Variants in ELAVL2 observed in about 807,000 individuals in gnomAD.
The protein encoded by ELAVL2 is ELAV like RNA binding protein 2.
ELAVL2 carries 4 observed loss-of-function variants against 34.6 expected under a neutral mutation model. The ratio of observed to expected loss-of-function variants is 0.12; its 90% confidence interval spans 0.06 to 0.26. The LOEUF is 0.26. Ranked by LOEUF, ELAVL2 falls within the 10% of genes least tolerant of loss-of-function variation. The probability of loss-of-function intolerance (pLI) is 1.00; values close to 1 mark genes in which losing one functional copy is unlikely to be tolerated. For missense variants in ELAVL2, 432 were observed against 442.8 expected, an observed-to-expected ratio of 0.98 and a Z score of 0.22; for synonymous variants, 193 against 154.8, an observed-to-expected ratio of 1.25 and a Z score of -1.83.
chr9:23,703,224 A>T (rs2038081797), intron 4 of ELAVL2, among the ~76,000 whole-genome samples: 1 of 152,246 alleles, frequency 6.6e-6, no homozygotes, highest in Admixed American at 6.5e-5. Flanking sequence ...GATGAGACGC[A>T]CTTTGTGTCA....
At chr9:23,848,432 G>C in the ELAVL2 span, among the ~76,000 whole-genome samples, 1 of 152,050 alleles carries the variant, frequency 6.6e-6, no homozygotes, top group Admixed American at 6.6e-5. Flanking sequence ...TGGTGTTTTA[G>C]CTCTCAAATG....
At chr9:23,721,217 A>G (rs578141123) in intron 3 of ELAVL2, among the ~76,000 whole-genome samples, 1 of 152,320 alleles carries the variant, frequency 6.6e-6, no homozygotes, top group Admixed American at 6.5e-5. Flanking sequence ...TCATCCAAAG[A>G]TATTTCCAAG....
intron 3 of ELAVL2, among the ~76,000 whole-genome samples, chr9:23,729,269 T>TA (rs2045972749): frequency 6.6e-6 from 1 of 152,178 alleles, no homozygotes. Flanking sequence ...CTTGACCACC[T>TA]ATTCCATTTT....
chr9:23,822,068 A>G (rs980105872), intron 1 of ELAVL2, among the ~76,000 whole-genome samples: 4 of 151,530 alleles, frequency 2.6e-5, no homozygotes, highest in African/African-American at 9.7e-5. Context: ...CTCGGTGGAG[A>G]GCGTTGAGCG....
intron 1 of ELAVL2, among the ~76,000 whole-genome samples, chr9:23,787,711 T>C (rs913101642): frequency 9.2e-5 from 14 of 152,132 alleles, no homozygotes; most frequent in Middle Eastern, 3.4e-3. Flanking sequence ...CCAGACCAAT[T>C]AAATAAGAAT....
chr9:23,704,817 G>C, intron 4 of ELAVL2, 101 bp downstream of exon 4: 1 of 1,452,478 alleles, frequency 6.9e-7, no homozygotes, highest in Non-Finnish European at 9.4e-7. Context: ...ATATACCTTT[G>C]ATATGTTCTA....
chr9:23,784,127 G>A (rs2059407693), intron 1 of ELAVL2, among the ~76,000 whole-genome samples: 2 of 151,974 alleles, frequency 1.3e-5, no homozygotes, highest in African/African-American at 2.4e-5. Flanking sequence ...GAACCTGGGA[G>A]GCAGAGCTTG....
Position 23,765,528 on chromosome 9 carries a change from G to A in ELAVL2, c.-15-3279C>T, listed in dbSNP as rs190599796. Among the ~76,000 whole-genome samples the A allele has an allele frequency of 1.3e-3, 191 of 151,562 alleles. 3 individuals are homozygous for A. The Middle Eastern group carries it at 0.047, about 38-fold the overall frequency. ...TCCTAAGTGATTGGTTTGCATAAAA[G>A]CACTCTTTCCCCAAAATATCAGAAA... On this transcript the variant is annotated intron_variant, in intron 1 of 6. Transcript: ENST00000397312.
intron 1 of ELAVL2, among the ~76,000 whole-genome samples, chr9:23,813,575 C>G (rs1003730893): frequency 1.5e-4 from 23 of 152,124 alleles, no homozygotes; most frequent in African/African-American, 5.3e-4. Flanking sequence ...CCCAAAGCAT[C>G]TGAATAAATA....
At chr9:23,771,748 A>G (rs868434266) in intron 1 of ELAVL2, among the ~76,000 whole-genome samples, 1 of 152,332 alleles carries the variant, frequency 6.6e-6, no homozygotes, top group East Asian at 1.9e-4. Context: ...AAGTTTAAAA[A>G]CAAAGTGGAT....
At chr9:23,766,035 A>C (rs2056180308) in intron 1 of ELAVL2, among the ~76,000 whole-genome samples, 1 of 152,200 alleles carries the variant, frequency 6.6e-6, no homozygotes, top group Non-Finnish European at 1.5e-5. Flanking sequence ...CAGAAAACTT[A>C]GTTTCTAAAA....
intron 3 of ELAVL2, among the ~76,000 whole-genome samples, chr9:23,724,470 C>G (rs1321958306): frequency 6.6e-6 from 1 of 152,172 alleles, no homozygotes; most frequent in Admixed American, 6.5e-5. Context: ...CTTACTTGGG[C>G]TACCTACCCA....
At chr9:23,766,161 G>A (rs1052092408) in intron 1 of ELAVL2, among the ~76,000 whole-genome samples, 5 of 152,072 alleles carry the variant, frequency 3.3e-5, no homozygotes, top group Non-Finnish European at 5.9e-5. Context: ...TAGCAATGCC[G>A]CCAGTAACGA....
intron 2 of ELAVL2, among the ~76,000 whole-genome samples, chr9:23,747,053 A>T (rs1397206002): frequency 6.6e-6 from 1 of 152,120 alleles, no homozygotes; most frequent in African/African-American, 2.4e-5. Flanking sequence ...AAGTTCCACT[A>T]GCCGAGTACA....
intron 1 of ELAVL2, among the ~76,000 whole-genome samples, chr9:23,784,908 T>C (rs1000452935): frequency 6.6e-6 from 1 of 152,188 alleles, no homozygotes. Context: ...CTAGACATTG[T>C]GGGAAAAATC....
chr9:23,738,440 G>T (rs1419152997), intron 2 of ELAVL2, among the ~76,000 whole-genome samples: 2 of 152,164 alleles, frequency 1.3e-5, no homozygotes, highest in Non-Finnish European at 2.9e-5. Flanking sequence ...AGATCAAATT[G>T]TGAGATGGAG....
chr9:23,717,429 G>T (rs2042596776), intron 3 of ELAVL2, among the ~76,000 whole-genome samples: 1 of 152,102 alleles, frequency 6.6e-6, no homozygotes, highest in South Asian at 2.1e-4. Flanking sequence ...TAAAGTACAG[G>T]GCTAGGTTTA....
chr9:23,833,196 T>A, the ELAVL2 span, among the ~76,000 whole-genome samples: 1 of 151,886 alleles, frequency 6.6e-6, no homozygotes, highest in Admixed American at 6.6e-5. Context: ...TTATATTGGT[T>A]TAAATAATGG....
At chr9:23,793,578 C>G (rs930724846) in intron 1 of ELAVL2, among the ~76,000 whole-genome samples, 3 of 152,160 alleles carry the variant, frequency 2.0e-5, no homozygotes, top group African/African-American at 7.2e-5. Context: ...GATCCCCTCC[C>G]CTATCATTCC....
Sources: gnomAD v4.1 joint callset for allele counts (sites outside exome capture counted in the v4.1 genomes callset) on GRCh38, gnomAD v4.1.1 for gene constraint, MANE v1.5 for transcripts, NCBI Gene and HGNC (gene_info 2026-07-23, HGNC 2026-07-21) for gene names.